MYPN: variants seen among roughly 807,000 people sequenced by gnomAD.
MYPN encodes myopalladin.
MYPN carries 63 observed loss-of-function variants against 129.4 expected under a neutral mutation model. The observed-to-expected ratio is 0.49, with a 90% CI of 0.40 to 0.60. The LOEUF is 0.60. Among genes scored for constraint, MYPN ranks in the 20% least tolerant of loss-of-function variants. MYPN has a pLI of 0.00. For missense variants in MYPN, 1,596 were observed against 1,635.4 expected, an observed-to-expected ratio of 0.98 and a Z score of 0.42; for synonymous variants, 629 against 600.9, an observed-to-expected ratio of 1.05 and a Z score of -0.68.
At chr10:68,118,848 A>G (rs913289488) in intron 1 of MYPN, among the ~76,000 whole-genome samples, 4 of 149,346 alleles carry the variant, frequency 2.7e-5, no homozygotes, top group Admixed American at 6.8e-5. Context: ...GAAAGAGAGA[A>G]AGAGAGAGAG....
chr10:68,148,531 CCATCT>C, intron 5 of MYPN, 64 bp downstream of exon 5: 14 of 1,306,366 alleles, frequency 1.1e-5, no homozygotes, highest in South Asian at 2.4e-5. Flanking sequence ...GTGACCATGA[CCATCT>C]TGCATGGCAT....
At chr10:68,135,603 A>G (rs2042474866) in intron 2 of MYPN, 1 of 469,014 alleles carries the variant, frequency 2.1e-6, no homozygotes, top group Non-Finnish European at 2.8e-6. Context: ...AAGCTGGGCA[A>G]AGACAATTAA....
At chr10:68,131,512 G>A (rs1420308277) in intron 2 of MYPN, among the ~76,000 whole-genome samples, 8 of 152,060 alleles carry the variant, frequency 5.3e-5, no homozygotes, top group Admixed American at 3.3e-4. Flanking sequence ...CAAGGACATG[G>A]TATATTTCTC....
In MYPN at chr10:68,109,655, T is replaced by C. The variant is rs1179207320; in HGVS notation, c.-70T>C. 1 of 454,138 alleles carries C rather than the reference T, an allele frequency of 2.2e-6. No homozygotes were observed. Among genetic ancestry groups the C allele is most frequent in the East Asian group, 6.9e-5 (1 of 14,406 alleles). The allele number at this position is 454,138 out of a possible 1,614,324, so 28.1% of individuals were successfully genotyped here. On this transcript the variant is annotated 5_prime_UTR_variant, in exon 1 of 20. Coordinates refer to ENST00000358913, the MANE Select transcript of MYPN (RefSeq NM_032578.4). ...TGTGCTTTCATCTAAAAGTTCTCCC[T>C]GGATAATTATCATTGCAGTGGAGTG... is the stretch of plus-strand genomic sequence containing the variant.
chr10:68,175,650 A>G (rs1350825449), intron 12 of MYPN, among the ~76,000 whole-genome samples, 189 bp downstream of exon 12: 1 of 148,360 alleles, frequency 6.7e-6, no homozygotes, highest in East Asian at 2.1e-4. Context: ...TAATTCTCCC[A>G]GTAGTTAACT....
intron 12 of MYPN, 123 bp from the exon 13 acceptor site, chr10:68,188,782 T>G (rs1432024296): frequency 1.2e-6 from 1 of 808,748 alleles, no homozygotes; most frequent in African/African-American, 1.7e-5. Flanking sequence ...ACATACCTGG[T>G]TCATTTGGAT....
At chr10:68,128,185 A>G (rs985434600) in intron 2 of MYPN, among the ~76,000 whole-genome samples, 1 of 152,174 alleles carries the variant, frequency 6.6e-6, no homozygotes, top group African/African-American at 2.4e-5. Context: ...CCCAGAGATG[A>G]AAGAGTCTGT....
At chr10:68,114,258 T>C (rs1188404563) in intron 1 of MYPN, 2 of 152,094 alleles carry the variant, frequency 1.3e-5, no homozygotes, top group Admixed American at 6.5e-5. Context: ...TGAAGAAGGA[T>C]AGCACCGAGT....
At chr10:68,162,358 A>G (rs1395802315) in intron 8 of MYPN, among the ~76,000 whole-genome samples, 1 of 152,196 alleles carries the variant, frequency 6.6e-6, no homozygotes, top group African/African-American at 2.4e-5. Context: ...GCCCTCTCAA[A>G]ACTAGGCAAA....
chr10:68,155,738 C>T (rs2042861660), intron 6 of MYPN, among the ~76,000 whole-genome samples: 1 of 152,170 alleles, frequency 6.6e-6, no homozygotes. Context: ...AGAAAAGCAG[C>T]TTTCAGCAAT....
rs1454369746 is a variant in MYPN, at chr10:68,199,955, T to C, written c.3493+380T>C. On this transcript the variant is annotated intron_variant, in intron 17 of 19. Transcript: ENST00000358913. ...CACCAATGATCCCTCTACCTGAATG[T>C]CCTTTTCTACCTGAATGTCCTTTTC... Among the ~76,000 whole-genome samples the C allele has an allele frequency of 3.3e-5, 5 of 152,160 alleles. No individual in the cohort carries two copies. The East Asian group carries it at 5.8e-4, about 18-fold the overall frequency.
In MYPN at chr10:68,166,638, C is replaced by T; in HGVS notation, c.1945C>T (p.Pro649Ser). 1.2e-6 allele frequency: 2 copies of T among 1,613,996 alleles called. No individual in the cohort carries two copies. The highest frequency in any genetic ancestry group is 1.3e-5 in the African/African-American group (1 of 74,990). ...TPEPSSPVKE[P>S]PPVLAKPKLD... ...AGAGCCTTCTTCCCCCGTGAAAGAG[C>T]CCCCTCCAGTTCTGGCCAAACCCAA... is the stretch of plus-strand genomic sequence containing the variant. Residue 649 changes from proline (P) to serine (S), a missense_variant, in exon 10 of 20, where the codon CCC becomes TCC. Pro to Ser is a moderately conservative substitution (Grantham distance 74). Coordinates refer to ENST00000358913, the MANE Select transcript of MYPN (RefSeq NM_032578.4).
chr10:68,155,278 A>G (rs2673797), intron 6 of MYPN, among the ~76,000 whole-genome samples: 124,565 of 152,212 alleles, frequency 0.82, 51,922 homozygotes, highest in African/African-American at 0.91. Flanking sequence ...ACTTCAGAGT[A>G]TCTTTAGGAG....
At chr10:68,126,660 T>C (rs1281645384) in intron 2 of MYPN, among the ~76,000 whole-genome samples, 1 of 151,996 alleles carries the variant, frequency 6.6e-6, no homozygotes, top group African/African-American at 2.4e-5. Context: ...GAAGGATGGG[T>C]ATACAAAATT....
chr10:68,165,588 T>G, intron 8 of MYPN, 114 bp from the exon 9 acceptor site: 1 of 847,936 alleles, frequency 1.2e-6, no homozygotes, highest in Admixed American at 1.9e-5. Context: ...TTCAAAGAAT[T>G]AATATAGCCA....
chr10:68,185,031 G>A (rs1452657727), intron 12 of MYPN, among the ~76,000 whole-genome samples: 2 of 152,030 alleles, frequency 1.3e-5, no homozygotes, highest in Non-Finnish European at 2.9e-5. Flanking sequence ...ACTTCCGGCC[G>A]GGCGTGCTCA....
chr10:68,182,336 CACACAT>C (rs2043334833), intron 12 of MYPN, among the ~76,000 whole-genome samples: 2 of 41,088 alleles, frequency 4.9e-5, no homozygotes, highest in East Asian at 7.2e-4. Flanking sequence ...ATATATAACA[CACACAT>C]ATATAACATA....
intron 12 of MYPN, 142 bp downstream of exon 12, chr10:68,175,603 T>C (rs2043216203): frequency 1.0e-5 from 9 of 902,610 alleles, no homozygotes; most frequent in Non-Finnish European, 1.6e-5. Flanking sequence ...TAACCAAAGG[T>C]CATGTGAGAA....
chr10:68,139,827 T>C (rs1468909454), intron 2 of MYPN, among the ~76,000 whole-genome samples: 1 of 152,254 alleles, frequency 6.6e-6, no homozygotes, highest in Admixed American at 6.5e-5. Flanking sequence ...GTACCTACCA[T>C]GTGCCAGGGC....
Sources: gnomAD v4.1 joint callset for allele counts (sites outside exome capture counted in the v4.1 genomes callset) on GRCh38, gnomAD v4.1.1 for gene constraint, MANE v1.5 for transcripts, NCBI Gene and HGNC (gene_info 2026-07-23, HGNC 2026-07-21) for gene names.